Variants in CACNA1D observed in about 807,000 individuals in gnomAD.
CACNA1D encodes voltage-dependent L-type calcium channel subunit alpha-1D.
CACNA1D carries 55 observed loss-of-function variants against 257.1 expected under a neutral mutation model. That is an observed-to-expected ratio of 0.21 (90% CI 0.17 to 0.27). CACNA1D has a LOEUF of 0.27. Among genes scored for constraint, CACNA1D ranks in the 10% least tolerant of loss-of-function variants. The probability of loss-of-function intolerance (pLI) is 1.00; values close to 1 mark genes in which losing one functional copy is unlikely to be tolerated. For missense variants in CACNA1D, 1,876 were observed against 2,784.0 expected (o/e 0.67, Z 7.34); for synonymous variants, 980 against 1,014.9 (o/e 0.97, Z 0.65).
intron 26 of CACNA1D, among the ~76,000 whole-genome samples, chr3:53,748,312 A>T (rs1228393621): frequency 6.6e-6 from 1 of 152,136 alleles, no homozygotes; most frequent in Non-Finnish European, 1.5e-5. Flanking sequence ...GAGCTGCAGG[A>T]GGTGGGCAGG....
At chr3:53,732,747 A>G in intron 18 of CACNA1D, 68 bp from the exon 19 acceptor site, 1 of 1,458,686 alleles carries the variant, frequency 6.9e-7, no homozygotes, top group Non-Finnish European at 9.6e-7. Context: ...TGCATGTGAA[A>G]TTAAGAATAA....
chr3:53,690,067 A>T (rs2094505829), intron 8 of CACNA1D, among the ~76,000 whole-genome samples: 1 of 152,210 alleles, frequency 6.6e-6, no homozygotes, highest in Admixed American at 6.5e-5. Flanking sequence ...CAGATGAGGA[A>T]ATCAAGACTC....
At chr3:53,644,165 G>A (rs899409929) in intron 3 of CACNA1D, among the ~76,000 whole-genome samples, 1 of 152,152 alleles carries the variant, frequency 6.6e-6, no homozygotes, top group Non-Finnish European at 1.5e-5. Flanking sequence ...TAATTTATTA[G>A]GGGAGACAAA....
rs771011004 is a variant in CACNA1D at position 53,801,142 on chromosome 3, C to T, written c.5125C>T (p.Arg1709Cys). 7 of 1,613,736 alleles carry T rather than the reference C, an allele frequency of 4.3e-6. No homozygotes were observed. Among genetic ancestry groups the T allele is most frequent in the African/African-American group, 2.7e-5 (2 of 74,858 alleles). ...CCTTCAGCAGACCAATACCACCCAC[C>T]GTCCCCTGCATGTCCAAAGGCCTTC... is the stretch of plus-strand genomic sequence containing the variant. ...DSLQQTNTTH[R>C]PLHVQRPSIP... The change falls in exon 42 of 48, where the codon CGT becomes TGT. Residue 1709 changes from arginine (R) to cysteine (C), a missense_variant. Physicochemically the swap from Arg to Cys is radical, Grantham distance 180. This residue lies in a region of CACNA1D where 160 missense variants were observed against 236.6 expected (regional missense o/e 0.68). Coordinates refer to ENST00000350061, the MANE Select transcript of CACNA1D (RefSeq NM_001128840.3).
intron 3 of CACNA1D, among the ~76,000 whole-genome samples, chr3:53,607,719 G>C (rs1221567064): frequency 6.6e-6 from 1 of 152,166 alleles, no homozygotes; most frequent in East Asian, 1.9e-4. Context: ...TTTATATAAG[G>C]TATCTGTGAA....
At chr3:53,545,826 A>G (rs547354759) in intron 3 of CACNA1D, among the ~76,000 whole-genome samples, 1 of 152,348 alleles carries the variant, frequency 6.6e-6, no homozygotes, top group South Asian at 2.1e-4. Flanking sequence ...CGCTCTGGCA[A>G]CAGTGGGAAG....
chr3:53,617,241 T>C (rs1367738500), intron 3 of CACNA1D, among the ~76,000 whole-genome samples: 37 of 152,018 alleles, frequency 2.4e-4, no homozygotes, highest in Admixed American at 2.4e-3. Context: ...CACTGTGTGC[T>C]CTCCTCTCCA....
chr3:53,549,267 G>T (rs2092479464), intron 3 of CACNA1D, among the ~76,000 whole-genome samples: 1 of 152,134 alleles, frequency 6.6e-6, no homozygotes, highest in East Asian at 1.9e-4. Flanking sequence ...TGGTCTAATT[G>T]CTTCAAACTT....
At chr3:53,695,740 C>G (rs980205919) in intron 8 of CACNA1D, among the ~76,000 whole-genome samples, 2 of 152,158 alleles carry the variant, frequency 1.3e-5, no homozygotes, top group Non-Finnish European at 2.9e-5. Context: ...GATGTTAAAT[C>G]CAACCCATCA....
intron 3 of CACNA1D, among the ~76,000 whole-genome samples, chr3:53,533,630 C>G (rs1330483899): frequency 6.6e-6 from 1 of 152,222 alleles, no homozygotes; most frequent in Admixed American, 6.5e-5. Context: ...ACTCACTCTT[C>G]TTTGTGACAG....
chr3:53,541,448 G>A (rs2092294438), intron 3 of CACNA1D, among the ~76,000 whole-genome samples: 2 of 152,144 alleles, frequency 1.3e-5, no homozygotes, highest in African/African-American at 2.4e-5. Flanking sequence ...CAAATTTTGT[G>A]GGAGAGCCTG....
chr3:53,498,331 A>C (rs1391111551), intron 2 of CACNA1D, among the ~76,000 whole-genome samples: 1 of 152,196 alleles, frequency 6.6e-6, no homozygotes, highest in Non-Finnish European at 1.5e-5. Flanking sequence ...AATGGCTGTC[A>C]TGTCCCAGAT....
rs1394059769 is a variant in CACNA1D at position 53,723,419 on chromosome 3, C to T, written c.1667-15C>T. On this transcript the variant is annotated splice_polypyrimidine_tract_variant and intron_variant, in intron 12 of 47. Coordinates refer to ENST00000350061, the MANE Select transcript of CACNA1D (RefSeq NM_001128840.3). The surrounding 1 kb of genome is among the most constrained non-coding windows in gnomAD (Gnocchi z 5.6). Reference sequence around the variant, plus strand: ...GCAGGAGACCCTGAGGATGGGTGCCCCTTTGTCTTTCCAGATATTGCCAAC... The same window carrying T: ...GCAGGAGACCCTGAGGATGGGTGCCTCTTTGTCTTTCCAGATATTGCCAAC... 1 of 1,604,390 alleles carries T rather than the reference C, an allele frequency of 6.2e-7. No individual in the cohort carries two copies.
intron 8 of CACNA1D, among the ~76,000 whole-genome samples, chr3:53,688,276 C>A (rs889551819): frequency 2.0e-5 from 3 of 152,192 alleles, no homozygotes; most frequent in Non-Finnish European, 4.4e-5. Flanking sequence ...CCTGTGGGGT[C>A]TCTGCTGGCT....
intron 3 of CACNA1D, among the ~76,000 whole-genome samples, chr3:53,511,195 C>T (rs2091092743): frequency 6.6e-6 from 1 of 151,982 alleles, no homozygotes; most frequent in Non-Finnish European, 1.5e-5. Flanking sequence ...GGGTTTGTGC[C>T]CTTCTTATTT....
At chr3:53,691,884 T>G (rs2094530663) in intron 8 of CACNA1D, among the ~76,000 whole-genome samples, 1 of 102,008 alleles carries the variant, frequency 9.8e-6, no homozygotes, top group African/African-American at 3.5e-5. Context: ...ACATATAATA[T>G]ATATTATATA....
At chr3:53,499,452 G>A (rs2090496057) in intron 2 of CACNA1D, among the ~76,000 whole-genome samples, 1 of 152,100 alleles carries the variant, frequency 6.6e-6, no homozygotes, top group Non-Finnish European at 1.5e-5. Context: ...TGTTTTTACA[G>A]ACAGGCATGA....
At chr3:53,691,629 C>T (rs1427733736) in intron 8 of CACNA1D, among the ~76,000 whole-genome samples, 1 of 141,106 alleles carries the variant, frequency 7.1e-6, no homozygotes, top group Non-Finnish European at 1.5e-5. Flanking sequence ...TACTCAGATG[C>T]CTGAAATACT....
Position 53,800,757 on chromosome 3 carries a change from G to T in CACNA1D, c.5041-301G>T, listed in dbSNP as rs2095532510. ...CCCAGAGAGCATGCCCAACCTTGGG[G>T]CCACCAGCCAGCCCAGCTGGGTATA... On this transcript the variant is annotated intron_variant, in intron 41 of 47. Coordinates refer to ENST00000350061, the MANE Select transcript of CACNA1D (RefSeq NM_001128840.3). The surrounding 1 kb of genome is among the most constrained non-coding windows in gnomAD (Gnocchi z 4.3). 7.7e-6 allele frequency: 4 copies of T among 520,740 alleles called. No individual in the cohort carries two copies. Among genetic ancestry groups the T allele is most frequent in the Non-Finnish European group, 1.4e-5 (4 of 287,526 alleles). The allele number at this position is 520,740 out of a possible 1,614,324, so 32.3% of individuals were successfully genotyped here.
Sources: gnomAD v4.1 joint callset for allele counts (sites outside exome capture counted in the v4.1 genomes callset) on GRCh38, gnomAD v4.1.1 for gene constraint, gnomAD v4.1.1 regional missense constraint, Gnocchi (gnomAD v3.1) non-coding constraint, MANE v1.5 for transcripts, NCBI Gene and HGNC (gene_info 2026-07-23, HGNC 2026-07-21) for gene names.